Variants in MAK observed in about 807,000 individuals in gnomAD.
MAK encodes the protein male germ cell associated kinase, also known as serine/threonine-protein kinase MAK.
MAK carries 65 observed loss-of-function variants against 82.6 expected under a neutral mutation model. The ratio of observed to expected loss-of-function variants is 0.79; its 90% confidence interval spans 0.64 to 0.97. The LOEUF is 0.97. MAK is among the 50% of genes least tolerant of loss of function. The pLI, the probability that MAK is intolerant of heterozygous loss-of-function variation, is 0.00. For missense variants in MAK, 703 were observed against 780.2 expected, an observed-to-expected ratio of 0.90 and a Z score of 1.18; for synonymous variants, 250 against 274.2, an observed-to-expected ratio of 0.91 and a Z score of 0.87.
At chr6:10,778,970 A>G (rs1466107510) in intron 11 of MAK, among the ~76,000 whole-genome samples, 1 of 151,830 alleles carries the variant, frequency 6.6e-6, no homozygotes, top group Non-Finnish European at 1.5e-5. Context: ...TCTACTAAAA[A>G]TACAAAAATT....
At chr6:10,799,192 G>A (rs1348523091) in intron 8 of MAK, among the ~76,000 whole-genome samples, 1 of 152,120 alleles carries the variant, frequency 6.6e-6, no homozygotes, top group Admixed American at 6.6e-5. Flanking sequence ...GAACATCTTT[G>A]AGCATAATTT....
chr6:10,783,888 T>G (rs941645476), intron 11 of MAK, among the ~76,000 whole-genome samples: 7 of 152,010 alleles, frequency 4.6e-5, no homozygotes, highest in East Asian at 3.9e-4. Context: ...GCGTGGTGGC[T>G]CGCACCTGTA....
chr6:10,813,568 CA>C, intron 5 of MAK, 75 bp downstream of exon 5: 1 of 836,114 alleles, frequency 1.2e-6, no homozygotes, highest in South Asian at 1.3e-5. Context: ...AGTTATTTAA[CA>C]GTTTAATAAA....
At position 10,764,129 on chromosome 6, in the gene MAK, T is replaced by C; in HGVS notation, c.*323A>G. 2 of 258,862 alleles carry C rather than the reference T, an allele frequency of 7.7e-6. No individual in the cohort carries two copies. The highest frequency in any genetic ancestry group is 1.1e-4 in the South Asian group (2 of 17,742). The allele number at this position is 258,862 out of a possible 1,614,324, so 16.0% of individuals were successfully genotyped here. A position where few individuals can be genotyped will look rare whatever the true frequency, so the allele number is the denominator to read the frequency against. On this transcript the variant is annotated 3_prime_UTR_variant, in exon 15 of 15. Transcript: ENST00000354489. ...GAAAACTAAAACACTCTAAACATTTTCTGGAAGTTGTTTTTTTTTAAGGGT... is the reference window on the plus strand; with the variant it reads ...GAAAACTAAAACACTCTAAACATTTCCTGGAAGTTGTTTTTTTTTAAGGGT...
intron 2 of MAK, among the ~76,000 whole-genome samples, chr6:10,824,774 T>G (rs1778233851): frequency 6.6e-6 from 1 of 152,176 alleles, no homozygotes; most frequent in Admixed American, 6.6e-5. Context: ...GCTCCATGCC[T>G]CCACTGCCGT....
intron 8 of MAK, among the ~76,000 whole-genome samples, chr6:10,801,486 A>T (rs1371594783): frequency 6.6e-6 from 1 of 152,244 alleles, no homozygotes; most frequent in African/African-American, 2.4e-5. Flanking sequence ...TGTTGTATAA[A>T]GTGAACCAGA....
chr6:10,791,179 C>G (rs1234882116), intron 10 of MAK, among the ~76,000 whole-genome samples: 1 of 152,146 alleles, frequency 6.6e-6, no homozygotes, highest in Non-Finnish European at 1.5e-5. Flanking sequence ...ATACTGAGAA[C>G]TGTTACTGTG....
chr6:10,808,208 T>C (rs1454620633), intron 6 of MAK, among the ~76,000 whole-genome samples: 1 of 152,232 alleles, frequency 6.6e-6, no homozygotes, highest in Non-Finnish European at 1.5e-5. Context: ...TTTTTGTACT[T>C]TGCATAAATG....
intron 2 of MAK, among the ~76,000 whole-genome samples, chr6:10,824,295 T>C (rs1467106343): frequency 6.6e-6 from 1 of 152,252 alleles, no homozygotes; most frequent in African/African-American, 2.4e-5. Context: ...ATGGTCCTAC[T>C]GTCCAAGACC....
At chr6:10,803,971 G>T in intron 6 of MAK, 80 bp from the exon 7 acceptor site, 1 of 1,217,014 alleles carries the variant, frequency 8.2e-7, no homozygotes, top group Non-Finnish European at 1.2e-6. Context: ...ACGCTGTGTG[G>T]TCATGCATTT....
Position 10,775,385 on chromosome 6 carries a change from A to G in MAK, c.1540T>C (p.Phe514Leu), listed in dbSNP as rs1773376257. The G allele has an allele frequency of 6.2e-7, 1 of 1,614,002 alleles. No individual in the cohort carries two copies. The highest frequency in any genetic ancestry group is 8.5e-7 in the Non-Finnish European group (1 of 1,179,868). The change falls in exon 12 of 15, where the codon TTC becomes CTC. Residue 514 changes from phenylalanine (F) to leucine (L), a missense_variant. Transcript: ENST00000354489. ...CCAACGGGTCCCAGTGACTTGGGGAATAACTGGTTGCTCCAAGTGTGGGGG... is the reference window on the plus strand; with the variant it reads ...CCAACGGGTCCCAGTGACTTGGGGAGTAACTGGTTGCTCCAAGTGTGGGGG... ...INPHTWSNQL[F>L]PKSLGPVGAE... is the part of the protein sequence containing the mutation.
At chr6:10,797,893 A>T in intron 8 of MAK, 3 of 1,279,042 alleles carry the variant, frequency 2.3e-6, no homozygotes, top group Non-Finnish European at 2.0e-6. Context: ...AGAGCACAAG[A>T]AAGAGTTTGT....
intron 2 of MAK, among the ~76,000 whole-genome samples, chr6:10,825,262 T>C (rs2127584192): frequency 6.6e-6 from 1 of 152,332 alleles, no homozygotes; most frequent in South Asian, 2.1e-4. Flanking sequence ...ATTTCTTGGG[T>C]ACAATGTTGA....
chr6:10,782,224 A>G (rs28493778), intron 11 of MAK, among the ~76,000 whole-genome samples: 6,287 of 146,626 alleles, frequency 0.043, 405 homozygotes, highest in African/African-American at 0.16. Flanking sequence ...ACACACACAC[A>G]CACACACACA....
At position 10,791,795 on chromosome 6, in the gene MAK, G is replaced by A; in HGVS notation, c.1196C>T (p.Thr399Ile). The A allele has an allele frequency of 1.9e-6, 3 of 1,614,048 alleles. No homozygotes were observed. The highest frequency in any genetic ancestry group is 1.7e-6 in the Non-Finnish European group (2 of 1,179,942). Residue 399 changes from threonine (T) to isoleucine (I), a missense_variant, in exon 10 of 15, where the codon ACT becomes ATT. Physicochemically the swap from Thr to Ile is moderately conservative, Grantham distance 89. Coordinates refer to ENST00000354489, the MANE Select transcript of MAK (RefSeq NM_001242957.3). ...CCAGCTATCTCCAGACTTGAAGATAGTCTGACCCCAACGCCTCCTACCACT... is the reference window on the plus strand; with the variant it reads ...CCAGCTATCTCCAGACTTGAAGATAATCTGACCCCAACGCCTCCTACCACT... ...HKSGRRRWGQ[T>I]IFKSGDSWEE...
At chr6:10,791,337 G>C (rs1372179193) in intron 10 of MAK, among the ~76,000 whole-genome samples, 1 of 152,072 alleles carries the variant, frequency 6.6e-6, no homozygotes, top group Admixed American at 6.5e-5. Flanking sequence ...CACAATCTTG[G>C]CTCACTGCAA....
intron 11 of MAK, among the ~76,000 whole-genome samples, chr6:10,780,005 CAGGTTTCT>C (rs1773820716): frequency 6.6e-6 from 1 of 152,036 alleles, no homozygotes; most frequent in Non-Finnish European, 1.5e-5. Flanking sequence ...GCTTCTTATT[CAGGTTTCT>C]ATCCTCTGCA....
chr6:10,811,083 C>G (rs961739883), intron 5 of MAK, among the ~76,000 whole-genome samples: 1 of 152,206 alleles, frequency 6.6e-6, no homozygotes, highest in Non-Finnish European at 1.5e-5. Flanking sequence ...ACTGTAATCT[C>G]CGCCTCCCGG....
At position 10,773,037 on chromosome 6, in the gene MAK, G is replaced by A. The variant is rs1773157863; in HGVS notation, c.1669C>T (p.Gln557Ter). The A allele has an allele frequency of 1.3e-6, 2 of 1,526,824 alleles. No homozygotes were observed. The highest frequency in any genetic ancestry group is 1.8e-6 in the Non-Finnish European group (2 of 1,138,710). The allele number at this position is 1,526,824 out of a possible 1,614,324, so 94.6% of individuals were successfully genotyped here. ...ETFPEKLEDP[Q>*]GNLGSYATYN... ...TCATCTGACGCCCAGAAATTACCTT[G>A]TGGGTCCTCTAATTTTTCAGGAAAA... Residue 557 changes from glutamine (Q) to a stop codon, truncating the protein, a stop_gained, in exon 13 of 15, where the codon CAA (glutamine) becomes TAA (stop). Transcript: ENST00000354489. LOFTEE classifies it high-confidence loss of function.
Sources: gnomAD v4.1 joint callset for allele counts (sites outside exome capture counted in the v4.1 genomes callset) on GRCh38, gnomAD v4.1.1 for gene constraint, MANE v1.5 for transcripts, NCBI Gene and HGNC (gene_info 2026-07-23, HGNC 2026-07-21) for gene names.